F8: variants seen among roughly 807,000 people sequenced by gnomAD.
The protein encoded by F8 is coagulation factor VIII.
Under a neutral mutation model 140.6 loss-of-function variants are expected in F8, and 12 were observed. The observed-to-expected ratio is 0.09, with a 90% CI of 0.05 to 0.14. The LOEUF (loss-of-function observed/expected upper bound fraction) is 0.14. Among genes scored for constraint, F8 ranks in the 10% least tolerant of loss-of-function variants. The pLI is 1.00. For missense variants in F8, 1,354 were observed against 1,720.7 expected, an observed-to-expected ratio of 0.79 and a Z score of 3.77; for synonymous variants, 585 against 614.6, an observed-to-expected ratio of 0.95 and a Z score of 0.71.
intron 21 of F8, among the ~76,000 whole-genome samples, chrX:154,899,242 C>T (rs1313917040): frequency 2.7e-5 from 3 of 111,853 alleles, no homozygotes; most frequent in Non-Finnish European, 5.6e-5. Flanking sequence ...TTCTCCATTT[C>T]CTGTTTGGGC....
intron 25 of F8, among the ~76,000 whole-genome samples, chrX:154,856,389 G>C (rs2072651388): frequency 8.9e-6 from 1 of 112,331 alleles, no homozygotes; most frequent in Non-Finnish European, 1.9e-5. Flanking sequence ...GGGCCAATGG[G>C]CAGCACTCAA....
At chrX:154,975,793 G>A (rs782717517) in intron 6 of F8, among the ~76,000 whole-genome samples, 1 of 112,346 alleles carries the variant, frequency 8.9e-6, no homozygotes, top group South Asian at 3.6e-4. Context: ...AAAATACAAA[G>A]ATCAAACATT....
Position 154,931,357 on chromosome X carries a change from C to T in F8, c.2433G>A (p.Met811Ile), listed in dbSNP as rs1603433832. The T allele has an allele frequency of 8.3e-7, 1 of 1,210,819 alleles. No individual in the cohort carries two copies. Reference protein sequence around the residue: ...IQNVSSSDLLMLLRQSPTPHG... With the variant: ...IQNVSSSDLLILLRQSPTPHG... ...GTGGAGTAGGACTCTGTCGCAAGAG[C>T]ATCAACAAATCACTAGAGGAGACAT... is the stretch of plus-strand genomic sequence containing the variant. Residue 811 changes from methionine (M) to isoleucine (I), a missense_variant, in exon 14 of 26, where the codon ATG becomes ATA. Met to Ile is a conservative substitution (Grantham distance 10). This residue lies in a region of F8 where 658 missense variants were observed against 666.5 expected (regional missense o/e 0.99). Coordinates refer to ENST00000360256, the MANE Select transcript of F8 (RefSeq NM_000132.4).
At chrX:154,863,258 A>G (rs782755901) in intron 22 of F8, 31 bp from the exon 23 acceptor site, 1 of 1,191,684 alleles carries the variant, frequency 8.4e-7, no homozygotes, top group African/African-American at 1.8e-5. Flanking sequence ...AAATACATGG[A>G]AAGTGAATAC....
In F8 at chrX:154,953,922, G is replaced by C. The variant is rs2073350336; in HGVS notation, c.1873C>G (p.Pro625Ala). The C allele has an allele frequency of 2.5e-6, 3 of 1,209,948 alleles. No individual in the cohort carries two copies. The Admixed American group carries it at 6.6e-5, about 26-fold the overall frequency. ...PNPAGVQLED[P>A]EFQASNIMHS... ...ATGATGTTGGAGGCTTGGAACTCTG[G>C]ATCCTCAAGCTGCACTCCAGCTGGA... Residue 625 changes from proline (P) to alanine (A), a missense_variant, in exon 12 of 26, where the codon CCA becomes GCA. This residue lies in a region of F8 where 252 missense variants were observed against 338.5 expected (regional missense o/e 0.74). Coordinates refer to ENST00000360256, the MANE Select transcript of F8 (RefSeq NM_000132.4).
At chrX:154,955,997 A>G (rs1569559806) in intron 11 of F8, among the ~76,000 whole-genome samples, 1 of 111,996 alleles carries the variant, frequency 8.9e-6, no homozygotes, top group Non-Finnish European at 1.9e-5. Context: ...CTTCAACTGC[A>G]TAAGATAAAC....
chrX:154,874,107 A>T (rs2072795043), intron 22 of F8, among the ~76,000 whole-genome samples: 1 of 112,590 alleles, frequency 8.9e-6, no homozygotes, highest in South Asian at 3.6e-4. Context: ...ATGGGTAAGA[A>T]ACTCAAACAA....
intron 6 of F8, among the ~76,000 whole-genome samples, chrX:154,982,063 A>G (rs782287207): frequency 1.8e-5 from 2 of 110,316 alleles, no homozygotes; most frequent in South Asian, 3.9e-4. Context: ...ACATGCCTGT[A>G]ATCCCAGCTA....
intron 22 of F8, among the ~76,000 whole-genome samples, chrX:154,878,656 A>C (rs1406188653): frequency 9.0e-6 from 1 of 111,518 alleles, no homozygotes; most frequent in Non-Finnish European, 1.9e-5. Flanking sequence ...GAAAAAAAGA[A>C]ATAAAAGGCA....
intron 22 of F8, among the ~76,000 whole-genome samples, chrX:154,877,439 T>C (rs2072825317): frequency 9.0e-6 from 1 of 111,151 alleles, no homozygotes; most frequent in African/African-American, 3.3e-5. Context: ...AAGCCATGAG[T>C]TAATGAATGT....
At chrX:155,012,097 C>A (rs377215078) in intron 1 of F8, among the ~76,000 whole-genome samples, 9 of 111,893 alleles carry the variant, frequency 8.0e-5, no homozygotes, top group African/African-American at 2.9e-4. Flanking sequence ...TTTACGGATT[C>A]ACTAAAAACC....
intron 6 of F8, among the ~76,000 whole-genome samples, chrX:154,969,757 G>A (rs2073446170): frequency 2.7e-5 from 3 of 111,868 alleles, no homozygotes; most frequent in Admixed American, 9.5e-5. Context: ...TAAATCCAAT[G>A]GACATTTTTC....
At chrX:155,012,452 A>G (rs1171733156) in intron 1 of F8, among the ~76,000 whole-genome samples, 1 of 110,671 alleles carries the variant, frequency 9.0e-6, no homozygotes, top group African/African-American at 3.3e-5. Flanking sequence ...CTGGGACTAC[A>G]GGCATATGTT....
rs782413779 is a variant in F8 at position 154,951,427 on chromosome X, C to T, written c.1903+2465G>A. Among the ~76,000 whole-genome samples the T allele has an allele frequency of 6.3e-5, 7 of 111,746 alleles. No individual in the cohort carries two copies. The South Asian group carries it at 2.6e-3, about 42-fold the overall frequency. On this transcript the variant is annotated intron_variant, in intron 12 of 25. Coordinates refer to ENST00000360256, the MANE Select transcript of F8 (RefSeq NM_000132.4). ...TACTAACCTTTATACTTTTCTTCCT[C>T]TGTATCCCTAAACTATATAAGTTAA...
At chrX:154,993,261 TTTGTTGTTG>T in intron 3 of F8, 113 bp from the exon 4 acceptor site, 1 of 633,418 alleles carries the variant, frequency 1.6e-6, no homozygotes, top group South Asian at 2.8e-5. Context: ...TTTCTGCATC[TTTGTTGTTG>T]TTGTTGTTGT....
At chrX:155,000,669 C>T (rs6655259) in intron 1 of F8, among the ~76,000 whole-genome samples, 3,419 of 111,716 alleles carry the variant, frequency 0.031, 37 homozygotes, top group Middle Eastern at 0.041. Context: ...ACTTATGAAC[C>T]GTATACTACA....
rs956669140 is a variant in F8 at position 154,950,044 on chromosome X, C to T, written c.1904-2137G>A. On this transcript the variant is annotated intron_variant, in intron 12 of 25. Transcript: ENST00000360256. ...CCTCCCAAAATGCTGGGATTACAGG[C>T]GTGAGCCACTGTGCCTGGCCCACAT... Among the ~76,000 whole-genome samples, 3 of 111,940 alleles carry T rather than the reference C, an allele frequency of 2.7e-5. No homozygotes were observed. The Admixed American group carries it at 2.8e-4, about 11-fold the overall frequency.
intron 1 of F8, among the ~76,000 whole-genome samples, chrX:155,016,561 A>G (rs990338704): frequency 3.5e-5 from 4 of 113,062 alleles, no homozygotes; most frequent in African/African-American, 1.3e-4. Context: ...ATGGAGCAGT[A>G]ATCAGCAATA....
intron 14 of F8, among the ~76,000 whole-genome samples, chrX:154,907,027 G>T (rs1414353275): frequency 3.6e-5 from 4 of 111,681 alleles, no homozygotes; most frequent in Non-Finnish European, 7.5e-5. Context: ...TCATCACCCA[G>T]ATCAGTAACA....
Sources: allele counts gnomAD v4.1 joint callset (sites outside exome capture counted in the v4.1 genomes callset), GRCh38; gene constraint gnomAD v4.1.1; regional missense constraint gnomAD v4.1.1; transcripts MANE v1.5; gene names NCBI Gene and HGNC (gene_info 2026-07-23, HGNC 2026-07-21).